PCDH20: variants seen among roughly 807,000 people sequenced by gnomAD.
PCDH20 encodes the protein protocadherin-20.
In PCDH20, 18 loss-of-function variants were observed where a neutral mutation model predicts 39.7. The observed-to-expected ratio is 0.45, with a 90% CI of 0.31 to 0.67. The LOEUF (loss-of-function observed/expected upper bound fraction) is 0.67, where lower values mean the gene tolerates loss of function less well. PCDH20 is among the 30% of genes least tolerant of loss of function. PCDH20 has a pLI of 0.05. For missense variants in PCDH20, 1,161 were observed against 1,167.4 expected, an observed-to-expected ratio of 0.99 and a Z score of 0.08; for synonymous variants, 495 against 455.4, an observed-to-expected ratio of 1.09 and a Z score of -1.11.
At chr13:61,411,437 G>A (rs746747543) in exon 2 of PCDH20, 1 of 1,613,994 alleles carries the variant, frequency 6.2e-7, no homozygotes, top group South Asian at 1.1e-5. Context: ...ACTAAGGTGG[G>A]CATACAAGAC....
chr13:61,412,833 T>C, exon 2 of PCDH20: 1 of 1,613,478 alleles, frequency 6.2e-7, no homozygotes, highest in Non-Finnish European at 8.5e-7. Flanking sequence ...TTTCAGGGGG[T>C]CTGAAAATAA....
chr13:61,415,418 T>C, exon 1 of PCDH20: 1 of 360,312 alleles, frequency 2.8e-6, no homozygotes, highest in Non-Finnish European at 4.8e-6. Flanking sequence ...AAGAGGCAGC[T>C]CGGGGTTGGG....
chr13:61,413,763 C>T, exon 2 of PCDH20: 2 of 1,613,772 alleles, frequency 1.2e-6, no homozygotes, highest in Non-Finnish European at 1.7e-6. Flanking sequence ...GGGGGTTCCA[C>T]TCAGCACCGG....
exon 2 of PCDH20, chr13:61,413,367 T>A: frequency 6.2e-7 from 1 of 1,614,074 alleles, no homozygotes; most frequent in Non-Finnish European, 8.5e-7. Context: ...GATAGGTCTG[T>A]ACCCCATTAA....
exon 2 of PCDH20, chr13:61,409,761 T>C (rs915507057): frequency 1.3e-5 from 2 of 152,018 alleles, no homozygotes; most frequent in South Asian, 4.1e-4. Flanking sequence ...ATACTACAGG[T>C]TACCCACATT....
chr13:61,412,026 C>G, exon 2 of PCDH20: 1 of 1,614,160 alleles, frequency 6.2e-7, no homozygotes. Context: ...TCAGCATACC[C>G]TTTCCTGTAT....
At chr13:61,413,920 C>G in exon 2 of PCDH20, 1 of 1,613,046 alleles carries the variant, frequency 6.2e-7, no homozygotes, top group Non-Finnish European at 8.5e-7. Context: ...GCTGTAACTC[C>G]CGAGGCAGCT....
chr13:61,412,461 C>T (rs767917782), exon 2 of PCDH20: 14 of 1,614,030 alleles, frequency 8.7e-6, no homozygotes, highest in Non-Finnish European at 2.5e-6. Context: ...GTGAGTTGTT[C>T]TCTTCGATGG....
exon 1 of PCDH20, chr13:61,415,191 A>G (rs2138022307): frequency 5.8e-6 from 8 of 1,369,464 alleles, no homozygotes; most frequent in Non-Finnish European, 7.6e-6. Context: ...GCGCTCTTGA[A>G]GGGAGGGCGG....
At chr13:61,410,708 TTC>T (rs1473313575) in exon 2 of PCDH20, 2 of 152,680 alleles carry the variant, frequency 1.3e-5, no homozygotes, top group Non-Finnish European at 2.9e-5. Flanking sequence ...GTAATAAACA[TTC>T]TGTTTACAAG....
exon 2 of PCDH20, chr13:61,413,075 C>G (rs1871438454): frequency 6.2e-7 from 1 of 1,614,188 alleles, no homozygotes; most frequent in Non-Finnish European, 8.5e-7. Context: ...ACAGCCTGGA[C>G]AGCTGCAATT....
chr13:61,410,259 A>G (rs1878219231), exon 2 of PCDH20: 1 of 152,140 alleles, frequency 6.6e-6, no homozygotes, highest in South Asian at 2.1e-4. Flanking sequence ...AGTAGTGTAC[A>G]CAAGCCTCTA....
exon 1 of PCDH20, chr13:61,415,094 C>G: frequency 6.4e-7 from 1 of 1,567,208 alleles, no homozygotes; most frequent in Non-Finnish European, 8.7e-7. Flanking sequence ...GCGCGGGTGC[C>G]AGGTCGCCGG....
At chr13:61,413,593 G>C in exon 2 of PCDH20, 1 of 1,614,188 alleles carries the variant, frequency 6.2e-7, no homozygotes, top group East Asian at 2.2e-5. Context: ...AGGAGAGGAG[G>C]AGATGGAAAC....
At chr13:61,411,541 A>G (rs1200793221) in exon 2 of PCDH20, 5 of 1,614,038 alleles carry the variant, frequency 3.1e-6, no homozygotes, top group African/African-American at 2.7e-5. Context: ...AAGACTCTCA[A>G]TGTAACTCTC....
At chr13:61,413,423 T>C (rs571919127) in exon 2 of PCDH20, 2 of 1,613,034 alleles carry the variant, frequency 1.2e-6, no homozygotes, top group African/African-American at 1.3e-5. Context: ...GCCAGTCGGG[T>C]GTTTACAGGT....
exon 2 of PCDH20, chr13:61,413,885 G>C (rs1871478576): frequency 6.2e-7 from 1 of 1,613,852 alleles, no homozygotes; most frequent in Non-Finnish European, 8.5e-7. Context: ...CCCTCGTTTA[G>C]GCTGTACAGA....
At chr13:61,412,921 G>T (rs1445196956) in exon 2 of PCDH20, 4 of 1,614,064 alleles carry the variant, frequency 2.5e-6, no homozygotes, top group South Asian at 2.2e-5. Context: ...GAGCTTGTGG[G>T]ACTCCAGAAC....
At chr13:61,411,929 A>G in exon 2 of PCDH20, 1 of 1,614,150 alleles carries the variant, frequency 6.2e-7, no homozygotes, top group Non-Finnish European at 8.5e-7. Context: ...TTTGCTGTAG[A>G]GGAGAGGGCA....
Sources: gnomAD v4.1 joint callset for allele counts on GRCh38, gnomAD v4.1.1 for gene constraint, MANE v1.5 for transcripts, NCBI Gene and HGNC (gene_info 2026-07-23, HGNC 2026-07-21) for gene names.